Variants in CD2AP observed in about 807,000 individuals in gnomAD.
The protein encoded by CD2AP is CD2-associated protein.
In CD2AP, 46 loss-of-function variants were observed where a neutral mutation model predicts 85.1. The ratio of observed to expected loss-of-function variants is 0.54; its 90% CI spans 0.43 to 0.69. The LOEUF (loss-of-function observed/expected upper bound fraction) is 0.69. Ranked by LOEUF, CD2AP falls within the 30% of genes least tolerant of loss-of-function variation. CD2AP has a pLI of 0.00. For synonymous variants in CD2AP, 255 were observed against 252.9 expected (o/e 1.01, Z -0.08); for missense variants, 769 against 729.5 (o/e 1.05, Z -0.62).
chr6:47,576,994 C>A lies in CD2AP; in HGVS notation c.809-15C>A, dbSNP rs1322907169. The A allele has an allele frequency of 1.6e-6, 2 of 1,249,426 alleles. No homozygotes were observed. Among genetic ancestry groups the A allele is most frequent in the East Asian group, 2.3e-5 (1 of 43,076 alleles). 77.4% of individuals were successfully genotyped at this position (1,249,426 alleles called of 1,614,324 possible). ...CCATTTGTGTGAGCCACATTATTTACATTCTTTATTTCAGCTAAAGAATAT... is the reference window on the plus strand; with the variant it reads ...CCATTTGTGTGAGCCACATTATTTAAATTCTTTATTTCAGCTAAAGAATAT... On this transcript the variant is annotated splice_polypyrimidine_tract_variant and intron_variant, in intron 7 of 17. Coordinates refer to ENST00000359314, the MANE Select transcript of CD2AP (RefSeq NM_012120.3).
At chr6:47,485,838 G>C (rs538892946) in intron 1 of CD2AP, among the ~76,000 whole-genome samples, 2 of 152,118 alleles carry the variant, frequency 1.3e-5, no homozygotes, top group African/African-American at 2.4e-5. Context: ...ACAGTATTGA[G>C]TACAATAGCA....
chr6:47,583,072 C>T (rs532378520), intron 11 of CD2AP, among the ~76,000 whole-genome samples: 31 of 152,216 alleles, frequency 2.0e-4, no homozygotes, highest in Admixed American at 1.6e-3. Context: ...TGTGAGCCTC[C>T]GTGCCTGGGC....
At chr6:47,579,025 T>C (rs900190449) in intron 8 of CD2AP, among the ~76,000 whole-genome samples, 16 of 152,326 alleles carry the variant, frequency 1.1e-4, no homozygotes, top group Non-Finnish European at 1.8e-4. Flanking sequence ...AAAATTGATA[T>C]AGTTTTTAAA....
chr6:47,498,835 C>A (rs1349699482), intron 1 of CD2AP, among the ~76,000 whole-genome samples: 1 of 152,100 alleles, frequency 6.6e-6, no homozygotes, highest in African/African-American at 2.4e-5. Context: ...TAGTACAAAT[C>A]ATTTTTTTCC....
intron 4 of CD2AP, among the ~76,000 whole-genome samples, chr6:47,552,426 T>C (rs1244048080): frequency 6.6e-6 from 1 of 152,210 alleles, no homozygotes; most frequent in African/African-American, 2.4e-5. Context: ...GTTACTTCAC[T>C]TAGAATAATA....
chr6:47,529,586 C>T (rs181240765), intron 2 of CD2AP, among the ~76,000 whole-genome samples: 2 of 152,260 alleles, frequency 1.3e-5, no homozygotes, highest in East Asian at 3.9e-4. Flanking sequence ...ATTAATTTTA[C>T]TAAATGTATG....
At chr6:47,601,131 T>C (rs1280280460) in intron 13 of CD2AP, among the ~76,000 whole-genome samples, 1 of 151,872 alleles carries the variant, frequency 6.6e-6, no homozygotes, top group African/African-American at 2.4e-5. Context: ...ATATTTCTAG[T>C]AAAAATAATA....
chr6:47,525,693 A>C (rs1562015797), intron 2 of CD2AP, among the ~76,000 whole-genome samples: 1 of 152,164 alleles, frequency 6.6e-6, no homozygotes, highest in Non-Finnish European at 1.5e-5. Flanking sequence ...ATAGATGAAG[A>C]GTAGATATAC....
Position 47,579,368 on chromosome 6 carries a change from T to G in CD2AP, c.904-17T>G. Reference sequence around the variant, plus strand: ...AAAAAAGGTCTATTGTCTTAATTATTCTATTTTGCTTTTTAGGAGACTGGA... The same window carrying G: ...AAAAAAGGTCTATTGTCTTAATTATGCTATTTTGCTTTTTAGGAGACTGGA... On this transcript the variant is annotated splice_polypyrimidine_tract_variant and intron_variant, in intron 8 of 17. Coordinates refer to ENST00000359314, the MANE Select transcript of CD2AP (RefSeq NM_012120.3). 6.9e-7 allele frequency: 1 copy of G among 1,442,176 alleles called. No individual in the cohort carries two copies. The highest frequency in any genetic ancestry group is 9.8e-7 in the Non-Finnish European group (1 of 1,023,162). The allele number at this position is 1,442,176 out of a possible 1,614,324, so 89.3% of individuals were successfully genotyped here.
intron 2 of CD2AP, among the ~76,000 whole-genome samples, chr6:47,505,579 C>T (rs1269716335): frequency 2.8e-5 from 4 of 143,908 alleles, no homozygotes; most frequent in Non-Finnish European, 4.6e-5. Context: ...TGGGCAGAGG[C>T]GCCCCTCACC....
intron 1 of CD2AP, among the ~76,000 whole-genome samples, chr6:47,497,326 C>CTTTCATTTCT (rs1293568735): frequency 1.4e-5 from 2 of 144,344 alleles, no homozygotes; most frequent in Non-Finnish European, 3.0e-5. Flanking sequence ...CTTTCCTTTC[C>CTTTCATTTCT]TTTCCTTTCC....
chr6:47,499,734 T>TTTGTTG (rs375338841), intron 1 of CD2AP, among the ~76,000 whole-genome samples: 5 of 151,696 alleles, frequency 3.3e-5, no homozygotes, highest in African/African-American at 1.2e-4. Context: ...AGTTAAGAGT[T>TTTGTTG]TTGTTGTTGT....
intron 14 of CD2AP, among the ~76,000 whole-genome samples, chr6:47,607,387 C>T (rs35986976): frequency 6.6e-6 from 1 of 152,060 alleles, no homozygotes; most frequent in Admixed American, 6.6e-5. Context: ...AAATTTTTCT[C>T]CATAATGATT....
chr6:47,616,349 C>T (rs1169138866), intron 17 of CD2AP, among the ~76,000 whole-genome samples: 1 of 151,900 alleles, frequency 6.6e-6, no homozygotes, highest in Non-Finnish European at 1.5e-5. Context: ...CTGCCATGAC[C>T]CTCCAGAGTA....
intron 2 of CD2AP, among the ~76,000 whole-genome samples, chr6:47,513,372 CCTAT>C (rs149008871): frequency 6.6e-6 from 1 of 152,038 alleles, no homozygotes; most frequent in East Asian, 1.9e-4. Context: ...TAAGTTATTG[CCTAT>C]CTATGTAGGT....
chr6:47,525,509 G>T (rs756951561), intron 2 of CD2AP, among the ~76,000 whole-genome samples: 4 of 152,056 alleles, frequency 2.6e-5, no homozygotes, highest in Admixed American at 6.6e-5. Flanking sequence ...TGGAATACAA[G>T]TAAATTGCTT....
chr6:47,515,961 A>C (rs1766442314), intron 2 of CD2AP, among the ~76,000 whole-genome samples: 1 of 152,226 alleles, frequency 6.6e-6, no homozygotes, highest in African/African-American at 2.4e-5. Context: ...GTAAAAATAC[A>C]GGTAATTAGA....
intron 1 of CD2AP, among the ~76,000 whole-genome samples, chr6:47,502,639 G>A (rs921007219): frequency 1.3e-5 from 2 of 151,848 alleles, no homozygotes; most frequent in African/African-American, 2.4e-5. Flanking sequence ...GATTACTGGC[G>A]CCCACCACCA....
chr6:47,603,682 T>C lies in CD2AP; in HGVS notation c.1418-2483T>C, dbSNP rs150416888. On this transcript the variant is annotated intron_variant, in intron 13 of 17. Transcript: ENST00000359314. ...GTTTTATTCATTCTACAGCTGTTCT[T>C]TTTTCCTGTTTTGTAAAATAATTAT... Among the ~76,000 whole-genome samples the C allele has an allele frequency of 7.9e-3, 1,202 of 152,142 alleles. 14 individuals are homozygous for C. Among genetic ancestry groups the C allele is most frequent in the African/African-American group, 0.027 (1,122 of 41,534 alleles).
Sources: allele counts gnomAD v4.1 joint callset (sites outside exome capture counted in the v4.1 genomes callset), GRCh38; gene constraint gnomAD v4.1.1; transcripts MANE v1.5; gene names NCBI Gene and HGNC (gene_info 2026-07-23, HGNC 2026-07-21).